The following PRPF6 variants were observed in gnomAD, a reference collection of about 807,000 sequenced individuals.
PRPF6 encodes the protein pre-mRNA-processing factor 6.
In PRPF6, 42 loss-of-function variants were observed where a neutral mutation model predicts 118.3. That is an observed-to-expected ratio of 0.35 (90% CI 0.28 to 0.46). The LOEUF (loss-of-function observed/expected upper bound fraction) is 0.46, where lower values mean the gene tolerates loss of function less well. Ranked by LOEUF, PRPF6 falls within the 20% of genes least tolerant of loss-of-function variation. The probability of loss-of-function intolerance (pLI) is 1.00; values close to 1 mark genes in which losing one functional copy is unlikely to be tolerated. For missense variants in PRPF6, 662 were observed against 1,255.7 expected (o/e 0.53, Z 7.15); for synonymous variants, 481 against 485.1 (o/e 0.99, Z 0.11).
At position 64,026,874 on chromosome 20, in the gene PRPF6, T is replaced by C. The variant is rs1248255568; in HGVS notation, c.2029-108T>C. On this transcript the variant is annotated intron_variant, in intron 15 of 20. Transcript: ENST00000266079. This position sits in a 1 kb window ranked among gnomAD's most constrained non-coding sequence, Gnocchi z 4.4. ...GTACACAAACAGGCTATGAAAAGCT[T>C]ACAAAAGTACACACAGTACTGCAGG... The C allele has an allele frequency of 3.4e-6, 4 of 1,186,936 alleles. No homozygotes were observed. The African/African-American group carries it at 6.0e-5, about 18-fold the overall frequency. The allele number at this position is 1,186,936 out of a possible 1,614,324, so 73.5% of individuals were successfully genotyped here.
intron 2 of PRPF6, 128 bp from the exon 3 acceptor site, chr20:63,984,779 C>T (rs2059086367): frequency 1.4e-6 from 1 of 703,312 alleles, no homozygotes; most frequent in Admixed American, 2.1e-5. Flanking sequence ...GTAGACTGTC[C>T]CTTGATTTGG....
At position 63,999,404 on chromosome 20, in the gene PRPF6, C is replaced by T. The variant is rs113710315; in HGVS notation, c.867-199C>T. Among the ~76,000 whole-genome samples, 1,178 of 152,334 alleles carry T rather than the reference C, an allele frequency of 7.7e-3. 19 individuals are homozygous for T. Among genetic ancestry groups the T allele is most frequent in the African/African-American group, 0.027 (1,117 of 41,572 alleles). The stretch of plus-strand genomic sequence containing the variant: ...GTCCCACATGTCCCATCTGGACCTT[C>T]GGTTCTCAGCGTTTGTCTGCGGGGA... On this transcript the variant is annotated intron_variant, in intron 7 of 20. Coordinates refer to ENST00000266079, the MANE Select transcript of PRPF6 (RefSeq NM_012469.4).
chr20:64,030,853 G>A (rs1054855906), intron 19 of PRPF6, among the ~76,000 whole-genome samples: 10 of 152,304 alleles, frequency 6.6e-5, no homozygotes, highest in African/African-American at 2.2e-4. Context: ...CAACTGAGAC[G>A]AACCCGAACA....
intron 9 of PRPF6, among the ~76,000 whole-genome samples, chr20:64,008,617 A>T (rs968663599): frequency 7.0e-6 from 1 of 142,004 alleles, no homozygotes; most frequent in African/African-American, 2.9e-5. Context: ...CGGTGACATT[A>T]TAATTAGGTC....
intron 9 of PRPF6, among the ~76,000 whole-genome samples, chr20:64,002,931 A>C (rs1601519234): frequency 3.5e-5 from 5 of 143,300 alleles, no homozygotes; most frequent in African/African-American, 7.8e-5. Flanking sequence ...GGCGTGAGCC[A>C]CTGTGCCCGG....
At chr20:64,013,915 C>A (rs547277327) in intron 11 of PRPF6, among the ~76,000 whole-genome samples, 1 of 152,168 alleles carries the variant, frequency 6.6e-6, no homozygotes, top group South Asian at 2.1e-4. Flanking sequence ...CATTTTCATA[C>A]CTCTGTAGCC....
intron 8 of PRPF6, 82 bp downstream of exon 8, chr20:63,999,841 C>T (rs1206034665): frequency 3.3e-6 from 5 of 1,532,590 alleles, no homozygotes; most frequent in African/African-American, 1.4e-5. Context: ...GAGCAAATCT[C>T]TTTGTCTTTT....
At chr20:64,032,662 T>G (rs1238351751) in intron 20 of PRPF6, among the ~76,000 whole-genome samples, 179 bp from the exon 21 acceptor site, 1 of 152,198 alleles carries the variant, frequency 6.6e-6, no homozygotes, top group Non-Finnish European at 1.5e-5. Context: ...GAGGTGGGGC[T>G]CCTTTGAGGA....
At chr20:63,986,681 G>T (rs183053888) in intron 3 of PRPF6, among the ~76,000 whole-genome samples, 1,614 of 151,372 alleles carry the variant, frequency 0.011, 38 homozygotes, top group African/African-American at 0.037. Context: ...GTAGAGACGG[G>T]ATTTCACTGT....
chr20:63,999,648 G>A lies in PRPF6; in HGVS notation c.912G>A (p.Thr304=), dbSNP rs1046382641. 8.1e-6 allele frequency: 13 copies of A among 1,614,048 alleles called. No individual in the cohort carries two copies. Among genetic ancestry groups the A allele is most frequent in the East Asian group, 2.2e-5 (1 of 44,898 alleles). ...ARLLLKSVRE[T]NPHHPPAWIA... ...TGCTCCTCAAGTCTGTTCGGGAGAC[G>A]AACCCTCATCACCCGCCAGCCTGGA... is the stretch of plus-strand genomic sequence containing the variant. The change falls in exon 8 of 21, where the codon ACG becomes ACA. Residue 304 remains threonine, a synonymous_variant. Transcript: ENST00000266079.
At chr20:64,003,631 T>C (rs1164377849) in intron 9 of PRPF6, among the ~76,000 whole-genome samples, 1 of 152,220 alleles carries the variant, frequency 6.6e-6, no homozygotes, top group Non-Finnish European at 1.5e-5. Context: ...AGTCTCGCTC[T>C]GTCGCCCAGC....
At position 63,994,234 on chromosome 20, in the gene PRPF6, C is replaced by T. The variant is rs112261413; in HGVS notation, c.439-682C>T. 5.3e-3 allele frequency among the ~76,000 whole-genome samples: 798 copies of T among 150,968 alleles called. 10 individuals are homozygous for T. The highest frequency in any genetic ancestry group is 0.019 in the African/African-American group (765 of 41,102). ...GTGCAATGACGCGATCTCAGCTCAC[C>T]GCAACCTCCGCCTCCCAGGTTCAAA... On this transcript the variant is annotated intron_variant, in intron 4 of 20. Transcript: ENST00000266079.
In PRPF6 at chr20:64,028,055, GT is replaced by G. The variant is rs2059299344; in HGVS notation, c.2339+320del. ...GAGCCAGCTCCACAGAGGAGGTGGC[GT>G]GGAGAGCCCTGGAGGTGGACAGGAG... On this transcript the variant is annotated intron_variant, in intron 17 of 20. Transcript: ENST00000266079. The surrounding 1 kb of genome is among the most constrained non-coding windows in gnomAD (Gnocchi z 6.5). 6.6e-6 allele frequency among the ~76,000 whole-genome samples: 1 copy of G among 152,188 alleles called. No homozygotes were observed. The highest frequency in any genetic ancestry group is 1.5e-5 in the Non-Finnish European group (1 of 68,034).
intron 3 of PRPF6, among the ~76,000 whole-genome samples, 177 bp downstream of exon 3, chr20:63,985,202 A>G (rs3764731): frequency 2.8e-4 from 42 of 152,222 alleles, no homozygotes; most frequent in East Asian, 1.7e-3. Flanking sequence ...AATCTCTACA[A>G]ATAATTTAAA....
chr20:64,019,072 G>A (rs1372906591), intron 12 of PRPF6, among the ~76,000 whole-genome samples: 1 of 151,334 alleles, frequency 6.6e-6, no homozygotes, highest in Non-Finnish European at 1.5e-5. Context: ...GCAGGGCAGC[G>A]GTAATAGTTT....
intron 2 of PRPF6, among the ~76,000 whole-genome samples, chr20:63,984,195 C>T (rs904282926): frequency 2.0e-5 from 3 of 152,018 alleles, no homozygotes; most frequent in Admixed American, 6.6e-5. Flanking sequence ...CCGAGGTGGG[C>T]GGATCATGAG....
intron 2 of PRPF6, among the ~76,000 whole-genome samples, chr20:63,983,774 T>A (rs955807422): frequency 2.0e-5 from 3 of 151,806 alleles, no homozygotes; most frequent in Non-Finnish European, 4.4e-5. Context: ...CCTGCCTCAG[T>A]CTCCAAGTAA....
At chr20:63,984,607 C>T (rs988112827) in intron 2 of PRPF6, among the ~76,000 whole-genome samples, 6 of 152,064 alleles carry the variant, frequency 3.9e-5, no homozygotes, top group African/African-American at 1.2e-4. Context: ...ATTTGTCAGT[C>T]GTATTTGCAT....
chr20:63,981,434 G>A (rs1601504385), intron 1 of PRPF6, 118 bp downstream of exon 1: 1 of 1,010,646 alleles, frequency 9.9e-7, no homozygotes, highest in South Asian at 1.5e-5. Context: ...TTGGTGGATC[G>A]GCTTAATCCC....
Sources: allele counts gnomAD v4.1 joint callset (sites outside exome capture counted in the v4.1 genomes callset), GRCh38; gene constraint gnomAD v4.1.1; non-coding constraint Gnocchi (gnomAD v3.1); transcripts MANE v1.5; gene names NCBI Gene and HGNC (gene_info 2026-07-23, HGNC 2026-07-21).